Variants in DYNC2I2 observed in about 807,000 individuals in gnomAD.
The protein encoded by DYNC2I2 is dynein 2 intermediate chain 2.
DYNC2I2 carries 39 observed loss-of-function variants against 52.0 expected under a neutral mutation model. The observed-to-expected ratio is 0.75, with a 90% CI of 0.58 to 0.98. The LOEUF is 0.98. Ranked by LOEUF, DYNC2I2 falls within the 50% of genes least tolerant of loss-of-function variation. The probability of loss-of-function intolerance (pLI) is 0.00; values close to 1 mark genes in which losing one functional copy is unlikely to be tolerated. For synonymous variants in DYNC2I2, 359 were observed against 321.1 expected (o/e 1.12, Z -1.26); for missense variants, 743 against 728.4 (o/e 1.02, Z -0.23).
intron 2 of DYNC2I2, among the ~76,000 whole-genome samples, chr9:128,638,292 G>A (rs1216858237): frequency 1.3e-5 from 2 of 151,852 alleles, no homozygotes; most frequent in African/African-American, 4.8e-5. Flanking sequence ...GCGGAGGCGG[G>A]CGGATCACAA....
intron 5 of DYNC2I2, 106 bp downstream of exon 5, chr9:128,635,552 G>T: frequency 9.6e-7 from 1 of 1,039,106 alleles, no homozygotes; most frequent in Non-Finnish European, 1.4e-6. Flanking sequence ...GAATGCAGGA[G>T]GCAGCTGTCC....
intron 1 of DYNC2I2, among the ~76,000 whole-genome samples, chr9:128,648,819 A>G (rs1284526212): frequency 1.4e-5 from 2 of 148,020 alleles, no homozygotes; most frequent in Admixed American, 6.8e-5. Context: ...AAAAAGAGAG[A>G]GAGAATCTGC....
intron 1 of DYNC2I2, among the ~76,000 whole-genome samples, chr9:128,643,053 C>T (rs1434164271): frequency 6.6e-6 from 1 of 152,142 alleles, no homozygotes; most frequent in Non-Finnish European, 1.5e-5. Flanking sequence ...AAGTGGAAAG[C>T]TTCAGGAAGG....
chr9:128,634,116 C>A, intron 8 of DYNC2I2, 110 bp downstream of exon 8: 1 of 1,559,322 alleles, frequency 6.4e-7, no homozygotes, highest in Non-Finnish European at 8.7e-7. Context: ...TGGAGGGAAG[C>A]CGTCCTTACC....
At chr9:128,680,645 G>C in the DYNC2I2 span, among the ~76,000 whole-genome samples, 5 of 151,608 alleles carry the variant, frequency 3.3e-5, no homozygotes, top group Admixed American at 3.3e-4. Context: ...CCAAAGTGCT[G>C]GGATTACAGG....
At chr9:128,653,334 T>C (rs1397296159) in intron 1 of DYNC2I2, among the ~76,000 whole-genome samples, 1 of 148,324 alleles carries the variant, frequency 6.7e-6, no homozygotes, top group African/African-American at 2.6e-5. Flanking sequence ...AGGCCAGGAG[T>C]TTGAGACCAG....
chr9:128,665,369 G>A, the DYNC2I2 span, among the ~76,000 whole-genome samples: 1 of 151,996 alleles, frequency 6.6e-6, no homozygotes, highest in African/African-American at 2.4e-5. Context: ...GAATTTCAAA[G>A]TTACTCAGCC....
chr9:128,676,228 C>T, the DYNC2I2 span, among the ~76,000 whole-genome samples: 2 of 152,056 alleles, frequency 1.3e-5, no homozygotes, highest in East Asian at 1.9e-4. Flanking sequence ...CAGTGGCTCA[C>T]GCCTGTAATT....
upstream of DYNC2I2, chr9:128,656,851 T>G (rs901652396): frequency 1.0e-6 from 1 of 961,912 alleles, no homozygotes; most frequent in Non-Finnish European, 1.4e-6. Context: ...CAGCGCCTCC[T>G]GCAAGACCTG....
intron 1 of DYNC2I2, among the ~76,000 whole-genome samples, chr9:128,653,729 A>AAAAAACTG (rs1860763919): frequency 7.7e-6 from 1 of 130,428 alleles, no homozygotes; most frequent in African/African-American, 3.0e-5. Context: ...AAAAAAACCC[A>AAAAAACTG]GGCCGGGCGC....
chr9:128,641,400 G>C (rs999856022), intron 1 of DYNC2I2, among the ~76,000 whole-genome samples: 2 of 152,074 alleles, frequency 1.3e-5, no homozygotes, highest in Non-Finnish European at 2.9e-5. Context: ...CAGCACCCGG[G>C]TAAGCAACAG....
chr9:128,670,904 C>G, the DYNC2I2 span, among the ~76,000 whole-genome samples: 1 of 151,400 alleles, frequency 6.6e-6, no homozygotes, highest in Non-Finnish European at 1.5e-5. Context: ...CCCGTCTCTA[C>G]TAAAAATACA....
intron 1 of DYNC2I2, among the ~76,000 whole-genome samples, chr9:128,649,480 G>A (rs923969663): frequency 1.3e-5 from 2 of 151,812 alleles, no homozygotes; most frequent in Non-Finnish European, 2.9e-5. Context: ...TTTGAGGTCA[G>A]GAGTTCGAGA....
intron 3 of DYNC2I2, among the ~76,000 whole-genome samples, chr9:128,636,687 G>A (rs117469734): frequency 0.018 from 2,745 of 152,248 alleles, 54 homozygotes; most frequent in Non-Finnish European, 0.025. Context: ...TGGGGCGGGC[G>A]AGGCAGGCAG....
At chr9:128,678,213 G>A in the DYNC2I2 span, among the ~76,000 whole-genome samples, 1 of 151,526 alleles carries the variant, frequency 6.6e-6, no homozygotes, top group African/African-American at 2.4e-5. Flanking sequence ...AGGATTACAG[G>A]CATGTGCACC....
At chr9:128,657,753 G>A (rs569221101), upstream of DYNC2I2, among the ~76,000 whole-genome samples, 6 of 152,174 alleles carry the variant, frequency 3.9e-5, no homozygotes, top group South Asian at 8.3e-4. Context: ...GCTGCAGTGA[G>A]CTATGATTAC....
At chr9:128,671,013 G>A in the DYNC2I2 span, among the ~76,000 whole-genome samples, 1 of 147,922 alleles carries the variant, frequency 6.8e-6, no homozygotes, top group Non-Finnish European at 1.5e-5. Context: ...GTTGCAGTGA[G>A]CCCAGATTGC....
At chr9:128,652,706 G>A (rs1860740864) in intron 1 of DYNC2I2, among the ~76,000 whole-genome samples, 1 of 150,422 alleles carries the variant, frequency 6.6e-6, no homozygotes, top group Non-Finnish European at 1.5e-5. Flanking sequence ...GATCACCTGA[G>A]GTCGGGAGTT....
chr9:128,643,990 A>C (rs571112223), intron 1 of DYNC2I2, among the ~76,000 whole-genome samples: 2 of 152,266 alleles, frequency 1.3e-5, no homozygotes, highest in East Asian at 3.9e-4. Flanking sequence ...GGAATGAATG[A>C]ATGGGCCAGG....
Sources: gnomAD v4.1 joint callset for allele counts (sites outside exome capture counted in the v4.1 genomes callset) on GRCh38, gnomAD v4.1.1 for gene constraint, MANE v1.5 for transcripts, NCBI Gene and HGNC (gene_info 2026-07-23, HGNC 2026-07-21) for gene names.